Variants in FOLH1 observed in about 807,000 individuals in gnomAD.
The protein encoded by FOLH1 is glutamate carboxypeptidase 2.
In FOLH1, 54 loss-of-function variants were observed where a neutral mutation model predicts 93.9. That is an observed-to-expected ratio of 0.57 (90% CI 0.46 to 0.72). FOLH1 has a LOEUF of 0.72. Ranked by LOEUF, FOLH1 falls within the 30% of genes least tolerant of loss-of-function variation. FOLH1 has a pLI of 0.00. For missense variants in FOLH1, 571 were observed against 892.5 expected, an observed-to-expected ratio of 0.64 and a Z score of 4.59; for synonymous variants, 249 against 303.6, an observed-to-expected ratio of 0.82 and a Z score of 1.87.
chr11:49,197,973 A>G (rs1421783318), intron 3 of FOLH1, among the ~76,000 whole-genome samples: 2 of 152,140 alleles, frequency 1.3e-5, no homozygotes, highest in Non-Finnish European at 2.9e-5. Flanking sequence ...AAAATAAAAA[A>G]GAACTAATGA....
rs960169632 is a variant in FOLH1 at position 49,163,915 on chromosome 11, T to C, written c.1440+790A>G. On this transcript the variant is annotated intron_variant, in intron 13 of 18. Transcript: ENST00000256999. ...TTTCCTGGGGTTGCACATTCGCTCA[T>C]CATTTTCCTGGGTGGGGGAGGTTCC... is the stretch of plus-strand genomic sequence containing the variant. 2.0e-5 allele frequency among the ~76,000 whole-genome samples: 3 copies of C among 152,090 alleles called. No individual in the cohort carries two copies. In the East Asian group the frequency reaches 5.8e-4, roughly 29 times the overall value.
At position 49,178,196 on chromosome 11, in the gene FOLH1, A is replaced by G. The variant is rs139542347; in HGVS notation, c.921-2239T>C. On this transcript the variant is annotated intron_variant, in intron 7 of 18. Transcript: ENST00000256999. ...TCTAACCAGTTTGTCCATGACTTAT[A>G]TAAATCAGACACTACCTCTTCACCA... Among the ~76,000 whole-genome samples, 894 of 152,300 alleles carry G rather than the reference A, an allele frequency of 5.9e-3. 12 individuals carry two copies. The highest frequency in any genetic ancestry group is 0.021 in the African/African-American group (855 of 41,564).
chr11:49,206,916 A>C (rs1362062626), intron 1 of FOLH1: 21 of 766,686 alleles, frequency 2.7e-5, no homozygotes, highest in Non-Finnish European at 4.1e-5. Context: ...ATTTAGAGAA[A>C]TTACAGGATC....
intron 7 of FOLH1, among the ~76,000 whole-genome samples, chr11:49,180,185 A>G (rs1860557130): frequency 1.3e-5 from 2 of 152,232 alleles, no homozygotes; most frequent in African/African-American, 2.4e-5. Context: ...ATACTAACTC[A>G]TATTGTTGTT....
At chr11:49,207,764 C>T in intron 1 of FOLH1, 2 of 407,360 alleles carry the variant, frequency 4.9e-6, no homozygotes, top group Non-Finnish European at 9.6e-6. Context: ...CTGAGCTTGC[C>T]TGTGTGGTTC....
rs747291464 is a variant in FOLH1, at chr11:49,208,438, G to C, written c.-29C>G. ...GGCGCGAGCAGAGCCGGCCTCCCGG[G>C]ACCCGCGCCTGTGCTGCTGCTCTAC... On this transcript the variant is annotated 5_prime_UTR_variant, in exon 1 of 19. Coordinates refer to ENST00000256999, the MANE Select transcript of FOLH1 (RefSeq NM_004476.3). 1 of 1,521,176 alleles carries C rather than the reference G, an allele frequency of 6.6e-7. No homozygotes were observed. The highest frequency in any genetic ancestry group is 9.0e-7 in the Non-Finnish European group (1 of 1,112,848). The allele number at this position is 1,521,176 out of a possible 1,614,324, so 94.2% of individuals were successfully genotyped here. A position where few individuals can be genotyped will look rare whatever the true frequency, so the allele number is the denominator to read the frequency against.
At chr11:49,195,748 G>A (rs1363239080) in intron 3 of FOLH1, among the ~76,000 whole-genome samples, 1 of 152,086 alleles carries the variant, frequency 6.6e-6, no homozygotes. Flanking sequence ...ACGCTGAACA[G>A]ATTACAAAAG....
At chr11:49,198,602 ATT>A (rs1380560264) in intron 3 of FOLH1, among the ~76,000 whole-genome samples, 1 of 152,136 alleles carries the variant, frequency 6.6e-6, no homozygotes, top group Non-Finnish European at 1.5e-5. Flanking sequence ...ACATTTTAAC[ATT>A]GTCAATATTT....
chr11:49,156,022 A>G (rs1302307552), intron 15 of FOLH1, among the ~76,000 whole-genome samples: 1 of 151,316 alleles, frequency 6.6e-6, no homozygotes, highest in African/African-American at 2.4e-5. Flanking sequence ...TGCTCTCGTG[A>G]TAGTGAATAA....
chr11:49,194,802 A>G (rs1862449700), intron 3 of FOLH1, among the ~76,000 whole-genome samples: 1 of 152,094 alleles, frequency 6.6e-6, no homozygotes, highest in Non-Finnish European at 1.5e-5. Context: ...AAATAACATT[A>G]TGACGAGATA....
chr11:49,204,905 C>T (rs2135343094), intron 2 of FOLH1, among the ~76,000 whole-genome samples: 1 of 152,020 alleles, frequency 6.6e-6, no homozygotes, highest in Admixed American at 6.6e-5. Context: ...GGATCTCATG[C>T]TTAAAAAAAA....
At chr11:49,161,593 A>G (rs1565146373) in intron 13 of FOLH1, among the ~76,000 whole-genome samples, 1 of 152,128 alleles carries the variant, frequency 6.6e-6, no homozygotes, top group Non-Finnish European at 1.5e-5. Context: ...TTGCCACTCT[A>G]TGTATTTTAA....
In FOLH1 at chr11:49,191,953, G is replaced by A. The variant is rs181048143; in HGVS notation, c.513+840C>T. On this transcript the variant is annotated intron_variant, in intron 4 of 18. Coordinates refer to ENST00000256999, the MANE Select transcript of FOLH1 (RefSeq NM_004476.3). ...GACCTCAGTTGATCTGCCTGCCTCC[G>A]CACCCGGCCAACCTGTTTTTTTATA... Among the ~76,000 whole-genome samples, 26 of 152,282 alleles carry A rather than the reference G, an allele frequency of 1.7e-4. No homozygotes were observed. In the East Asian group the frequency reaches 3.7e-3, roughly 21 times the overall value.
At chr11:49,181,274 A>AT (rs1217948765) in intron 7 of FOLH1, among the ~76,000 whole-genome samples, 1 of 151,750 alleles carries the variant, frequency 6.6e-6, no homozygotes, top group Non-Finnish European at 1.5e-5. Flanking sequence ...TGCCCAGCTA[A>AT]TTTTTGTATT....
chr11:49,156,851 C>A, intron 14 of FOLH1, 44 bp from the exon 15 acceptor site: 1 of 1,605,978 alleles, frequency 6.2e-7, no homozygotes, highest in Non-Finnish European at 8.5e-7. Flanking sequence ...GTAATTTGTT[C>A]ATTAAGCACA....
At chr11:49,206,918 T>C in intron 1 of FOLH1, 2 of 758,922 alleles carry the variant, frequency 2.6e-6, no homozygotes, top group Non-Finnish European at 4.4e-6. Flanking sequence ...TTAGAGAAAT[T>C]ACAGGATCTG....
At chr11:49,194,132 CAAAAAAAAAA>C (rs55656827) in intron 3 of FOLH1, among the ~76,000 whole-genome samples, 1 of 71,578 alleles carries the variant, frequency 1.4e-5, no homozygotes, top group African/African-American at 5.3e-5. Context: ...GCCTGGGTGA[CAAAAAAAAAA>C]AAAAAAAAAA....
chr11:49,171,496 G>T (rs1226714636), intron 10 of FOLH1, among the ~76,000 whole-genome samples: 1 of 152,130 alleles, frequency 6.6e-6, no homozygotes, highest in African/African-American at 2.4e-5. Flanking sequence ...ACATGTGACA[G>T]TAAAAATCTT....
chr11:49,169,062 T>C (rs1337801126), intron 12 of FOLH1, 133 bp downstream of exon 12: 6 of 934,930 alleles, frequency 6.4e-6, no homozygotes, highest in Admixed American at 4.3e-5. Flanking sequence ...ATACACTGCT[T>C]CCTGTCAGAG....
Sources: allele counts gnomAD v4.1 joint callset (sites outside exome capture counted in the v4.1 genomes callset), GRCh38; gene constraint gnomAD v4.1.1; transcripts MANE v1.5; gene names NCBI Gene and HGNC (gene_info 2026-07-23, HGNC 2026-07-21).